The following SNED1 variants were observed in gnomAD, a reference collection of about 807,000 sequenced individuals.
SNED1 encodes the protein sushi, nidogen and EGF-like domain-containing protein 1.
SNED1 carries 81 observed loss-of-function variants against 166.7 expected under a neutral mutation model. The observed-to-expected ratio is 0.49, with a 90% CI of 0.41 to 0.58. The LOEUF is 0.58. Among genes scored for constraint, SNED1 ranks in the 20% least tolerant of loss-of-function variants. SNED1 has a pLI of 0.00. For missense variants in SNED1, 1,604 were observed against 2,000.2 expected (o/e 0.80, Z 3.78); for synonymous variants, 762 against 822.0 (o/e 0.93, Z 1.25).
Position 241,087,711 on chromosome 2 carries a change from T to C in SNED1, c.4205+236T>C. 4.4e-6 allele frequency: 6 copies of C among 1,359,208 alleles called. No homozygotes were observed. The South Asian group carries it at 9.8e-5, about 22-fold the overall frequency. 84.2% of individuals were successfully genotyped at this position (1,359,208 alleles called of 1,614,324 possible). A position where few individuals can be genotyped will look rare whatever the true frequency, so the allele number is the denominator to read the frequency against. On this transcript the variant is annotated intron_variant, in intron 30 of 31. Transcript: ENST00000310397. Reference sequence around the variant, plus strand: ...CATGCTGGGTGCTGGGGGGGGTCACTCTGGTTATGCATATTCACACAGAAC... The same window carrying C: ...CATGCTGGGTGCTGGGGGGGGTCACCCTGGTTATGCATATTCACACAGAAC...
chr2:241,036,957 T>C (rs2061391249), intron 5 of SNED1, 42 bp downstream of exon 5: 1 of 1,576,550 alleles, frequency 6.3e-7, no homozygotes, highest in African/African-American at 1.3e-5. Flanking sequence ...CTGGCTGCGC[T>C]GGGCTCAGGA....
intron 29 of SNED1, among the ~76,000 whole-genome samples, chr2:241,083,664 T>C (rs2063439326): frequency 1.3e-5 from 2 of 152,182 alleles, no homozygotes; most frequent in Non-Finnish European, 2.9e-5. Flanking sequence ...TGTGCTTAGT[T>C]ACACCAGTGC....
In SNED1 at chr2:241,018,096, A is replaced by G. The variant is rs190905637; in HGVS notation, c.214-12188A>G. The stretch of plus-strand genomic sequence containing the variant: ...TTCCAAGGCTCACTCCCTCCCAGGT[A>G]ACACGCAACCCGAGTAGCTCTGTCT... On this transcript the variant is annotated intron_variant, in intron 1 of 31. Coordinates refer to ENST00000310397, the MANE Select transcript of SNED1 (RefSeq NM_001080437.3). The surrounding 1 kb of genome is among the most constrained non-coding windows in gnomAD (Gnocchi z 5.4). Among the ~76,000 whole-genome samples the G allele has an allele frequency of 2.2e-3, 335 of 152,290 alleles. 1 individual carries two copies. The highest frequency in any genetic ancestry group is 3.3e-3 in the Non-Finnish European group (225 of 68,026).
At position 241,073,059 on chromosome 2, in the gene SNED1, C is replaced by T. The variant is rs748123396; in HGVS notation, c.3818-207C>T. On this transcript the variant is annotated intron_variant, in intron 26 of 31. Coordinates refer to ENST00000310397, the MANE Select transcript of SNED1 (RefSeq NM_001080437.3). This position sits in a 1 kb window ranked among gnomAD's most constrained non-coding sequence, Gnocchi z 6.6. ...GGGCCCTGCAAGGGGAAGGCCGAGC[C>T]CCTCCAGAGGGTCAGCAGGAGGGTG... 9 of 554,638 alleles carry T rather than the reference C, an allele frequency of 1.6e-5. No individual in the cohort carries two copies. The highest frequency in any genetic ancestry group is 2.9e-5 in the Non-Finnish European group (9 of 311,224). 34.4% of individuals were successfully genotyped at this position (554,638 alleles called of 1,614,324 possible). A position where few individuals can be genotyped will look rare whatever the true frequency, so the allele number is the denominator to read the frequency against.
chr2:241,089,012 CTTTG>C (rs1382515701), intron 31 of SNED1: 1 of 321,444 alleles, frequency 3.1e-6, no homozygotes, highest in African/African-American at 2.2e-5. Context: ...TTCCTCTCGC[CTTTG>C]TTTAAGCCAG....
rs1340573915 is a variant in SNED1, at chr2:240,999,611, C to G, written c.213+561C>G. Among the ~76,000 whole-genome samples, 1 of 152,220 alleles carries G rather than the reference C, an allele frequency of 6.6e-6. No homozygotes were observed. The highest frequency in any genetic ancestry group is 6.5e-5 in the Admixed American group (1 of 15,284). ...CGGGCTAGCAACAGGCTTGCCCCTC[C>G]CTGCCGTCCTCTCCGCAGTCTGGGG... is the stretch of plus-strand genomic sequence containing the variant. On this transcript the variant is annotated intron_variant, in intron 1 of 31. Transcript: ENST00000310397. The surrounding 1 kb of genome is among the most constrained non-coding windows in gnomAD (Gnocchi z 5.8).
chr2:241,030,598 G>A (rs1342709503), intron 2 of SNED1, 27 bp downstream of exon 2: 1 of 1,607,618 alleles, frequency 6.2e-7, no homozygotes, highest in Admixed American at 1.7e-5. Flanking sequence ...GTCCTGGGGA[G>A]GGTGGGTGTG....
intron 1 of SNED1, among the ~76,000 whole-genome samples, chr2:241,022,562 T>C (rs2060805029): frequency 6.6e-6 from 1 of 152,140 alleles, no homozygotes. Context: ...AGCCTACCTC[T>C]CACTACTCAG....
intron 1 of SNED1, among the ~76,000 whole-genome samples, chr2:241,023,561 CA>C (rs1375866942): frequency 1.3e-5 from 2 of 152,148 alleles, no homozygotes; most frequent in East Asian, 3.9e-4. Flanking sequence ...TTTATTCTGA[CA>C]TATTATCTTT....
At position 241,085,854 on chromosome 2, in the gene SNED1, C is replaced by A. The variant is rs903685180; in HGVS notation, c.4122-1538C>A. ...CTAGTTCTATGGCATGGCCTTTCTG[C>A]GGTTTCTTTTTTTTTTTTTTTTTTT... On this transcript the variant is annotated intron_variant, in intron 29 of 31. Coordinates refer to ENST00000310397, the MANE Select transcript of SNED1 (RefSeq NM_001080437.3). Among the ~76,000 whole-genome samples, 33 of 134,106 alleles carry A rather than the reference C, an allele frequency of 2.5e-4. No homozygotes were observed. In the South Asian group the frequency reaches 2.7e-3, roughly 11 times the overall value. 88.0% of individuals were successfully genotyped at this position (134,106 alleles called of 152,430 possible). A position where few individuals can be genotyped will look rare whatever the true frequency, so the allele number is the denominator to read the frequency against.
chr2:241,078,122 C>A (rs568394101), intron 27 of SNED1, among the ~76,000 whole-genome samples: 1 of 152,092 alleles, frequency 6.6e-6, no homozygotes, highest in Non-Finnish European at 1.5e-5. Flanking sequence ...CGGTGGCTCA[C>A]GCCTGTAATC....
At position 241,048,300 on chromosome 2, in the gene SNED1, C is replaced by T; in HGVS notation, c.1274-15C>T. The T allele has an allele frequency of 1.3e-6, 2 of 1,585,522 alleles. No homozygotes were observed. Among genetic ancestry groups the T allele is most frequent in the Middle Eastern group, 1.7e-4 (1 of 5,924 alleles). On this transcript the variant is annotated splice_polypyrimidine_tract_variant and intron_variant, in intron 8 of 31. Transcript: ENST00000310397. Reference sequence around the variant, plus strand: ...TTCCCTGCGTGGCCGCTGGTGACTGCCGTCTTTCTTGCAGGAGACCATCCA... The same window carrying T: ...TTCCCTGCGTGGCCGCTGGTGACTGTCGTCTTTCTTGCAGGAGACCATCCA...
rs889617140 is a variant in SNED1, at chr2:241,086,353, CCCT to C, written c.4122-1034_4122-1032del. Among the ~76,000 whole-genome samples, 3 of 62,026 alleles carry C rather than the reference CCCT, an allele frequency of 4.8e-5. No individual in the cohort carries two copies. In the Admixed American group the frequency reaches 5.0e-4, roughly 10 times the overall value. The allele number at this position is 62,026 out of a possible 152,430, so 40.7% of individuals were successfully genotyped here. On this transcript the variant is annotated intron_variant, in intron 29 of 31. Transcript: ENST00000310397. The stretch of plus-strand genomic sequence containing the variant: ...TCTGGAGTTCCTCCTCTGCATAGTT[CCCT>C]CCTCTTCAGTACTGCCCCACAAATT...
At chr2:240,998,543 C>A (rs1187335377), upstream of SNED1, among the ~76,000 whole-genome samples, 3 of 152,062 alleles carry the variant, frequency 2.0e-5, no homozygotes, top group Non-Finnish European at 4.4e-5. Flanking sequence ...TTAAGAGACG[C>A]CCGATTTGCA....
Position 241,018,446 on chromosome 2 carries a change from G to A in SNED1, c.214-11838G>A, listed in dbSNP as rs556327511. Among the ~76,000 whole-genome samples the A allele has an allele frequency of 6.6e-6, 1 of 152,298 alleles. No individual in the cohort carries two copies. The highest frequency in any genetic ancestry group is 1.9e-4 in the East Asian group (1 of 5,156). On this transcript the variant is annotated intron_variant, in intron 1 of 31. Transcript: ENST00000310397. This position sits in a 1 kb window ranked among gnomAD's most constrained non-coding sequence, Gnocchi z 5.4. ...GCACCTTGCCAGGTGCTGGATTTAA[G>A]GGGCAAAGAACATTCGTTGTTCACT...
At chr2:241,039,339 A>G (rs1185468625) in intron 6 of SNED1, among the ~76,000 whole-genome samples, 1 of 152,070 alleles carries the variant, frequency 6.6e-6, no homozygotes, top group African/African-American at 2.4e-5. Flanking sequence ...GGGCCCCACC[A>G]TTCCCCCATG....
At chr2:241,033,435 T>G (rs1227479669) in intron 2 of SNED1, 4 of 306,890 alleles carry the variant, frequency 1.3e-5, no homozygotes, top group Non-Finnish European at 2.4e-5. Context: ...TGGATCTGGC[T>G]AAGGGCAGGG....
intron 1 of SNED1, among the ~76,000 whole-genome samples, chr2:241,029,739 C>T (rs917620846): frequency 9.9e-5 from 15 of 152,236 alleles, no homozygotes; most frequent in Admixed American, 3.9e-4. Flanking sequence ...GCCTGGAGGC[C>T]GAGCACAGGC....
At chr2:241,001,863 C>A (rs980227732) in intron 1 of SNED1, among the ~76,000 whole-genome samples, 1 of 152,074 alleles carries the variant, frequency 6.6e-6, no homozygotes, top group Non-Finnish European at 1.5e-5. Flanking sequence ...ATTTGAGGGT[C>A]AAGAGTGGGT....
Sources: allele counts gnomAD v4.1 joint callset (sites outside exome capture counted in the v4.1 genomes callset), GRCh38; gene constraint gnomAD v4.1.1; non-coding constraint Gnocchi (gnomAD v3.1); transcripts MANE v1.5; gene names NCBI Gene and HGNC (gene_info 2026-07-23, HGNC 2026-07-21).